Variants in ITPR1 observed in about 807,000 individuals in gnomAD.
ITPR1 encodes the protein inositol 1,4,5-trisphosphate receptor type 1.
ITPR1 carries 96 observed loss-of-function variants against 318.4 expected under a neutral mutation model. The observed-to-expected ratio is 0.30, with a 90% confidence interval of 0.26 to 0.36. The LOEUF is 0.36. Ranked by LOEUF, ITPR1 falls within the 10% of genes least tolerant of loss-of-function variation. The pLI, the probability that ITPR1 is intolerant of heterozygous loss-of-function variation, is 1.00. For synonymous variants in ITPR1, 1,312 were observed against 1,289.9 expected, an observed-to-expected ratio of 1.02 and a Z score of -0.37; for missense variants, 2,440 against 3,460.2, an observed-to-expected ratio of 0.71 and a Z score of 7.40.
At chr3:4,600,787 C>T (rs958405930) in intron 4 of ITPR1, among the ~76,000 whole-genome samples, 3 of 152,052 alleles carry the variant, frequency 2.0e-5, no homozygotes, top group Non-Finnish European at 4.4e-5. Context: ...ATTCACTCCC[C>T]ACCCCCAACA....
At chr3:4,571,521 ATGT>A (rs2087989881) in intron 4 of ITPR1, among the ~76,000 whole-genome samples, 2 of 151,972 alleles carry the variant, frequency 1.3e-5, no homozygotes, top group South Asian at 4.2e-4. Flanking sequence ...TTAAAATTTT[ATGT>A]AGAACTGCTA....
chr3:4,809,204 A>C (rs1041737125), intron 55 of ITPR1, among the ~76,000 whole-genome samples: 1 of 152,202 alleles, frequency 6.6e-6, no homozygotes, highest in African/African-American at 2.4e-5. Context: ...GCAGCAGGCA[A>C]AATGTTTCTC....
At chr3:4,637,876 T>A (rs779098716) in intron 5 of ITPR1, among the ~76,000 whole-genome samples, 1 of 152,230 alleles carries the variant, frequency 6.6e-6, no homozygotes, top group Non-Finnish European at 1.5e-5. Context: ...GGTCACCTTT[T>A]GAAATGTTAA....
At chr3:4,830,622 G>C (rs142307196) in intron 60 of ITPR1, among the ~76,000 whole-genome samples, 1 of 152,090 alleles carries the variant, frequency 6.6e-6, no homozygotes, top group Non-Finnish European at 1.5e-5. Context: ...GGCCTACCCC[G>C]TACCCCCTTC....
intron 44 of ITPR1, among the ~76,000 whole-genome samples, chr3:4,736,718 A>G (rs1275562915): frequency 1.3e-5 from 2 of 152,134 alleles, no homozygotes; most frequent in African/African-American, 4.8e-5. Flanking sequence ...CTTCTCATCA[A>G]TGGAATGTTG....
At chr3:4,722,384 G>T (rs2042226329) in intron 40 of ITPR1, among the ~76,000 whole-genome samples, 1 of 152,134 alleles carries the variant, frequency 6.6e-6, no homozygotes, top group Non-Finnish European at 1.5e-5. Context: ...GACTAAGCAG[G>T]AATACAGAAC....
chr3:4,612,352 G>A (rs917846722), intron 4 of ITPR1, among the ~76,000 whole-genome samples: 5 of 151,964 alleles, frequency 3.3e-5, no homozygotes, highest in African/African-American at 9.6e-5. Flanking sequence ...GTGAGCTGCC[G>A]CACCTGGCCA....
Position 4,769,370 on chromosome 3 carries a change from C to T in ITPR1, c.5979+606C>T, listed in dbSNP as rs569747615. Reference sequence around the variant, plus strand: ...CCTATTGATGTGTGTGTCTTGTAGCCTGTCACTGTTAGACATCTAGGCACT... The same window carrying T: ...CCTATTGATGTGTGTGTCTTGTAGCTTGTCACTGTTAGACATCTAGGCACT... On this transcript the variant is annotated intron_variant, in intron 46 of 61. Transcript: ENST00000649015. 4.4e-4 allele frequency among the ~76,000 whole-genome samples: 67 copies of T among 152,260 alleles called. 2 individuals carry two copies. The South Asian group carries it at 0.013, about 30-fold the overall frequency.
rs773251870 is a variant in ITPR1, at chr3:4,684,296, C to G, written c.3514C>G (p.Pro1172Ala). ...HKKTEEGNNK[P>A]QKHESTSSYN... ...TGGTTTCTAGGAGGGAAATAACAAG[C>G]CACAAAAGCATGAAAGCACCAGCAG... is the stretch of plus-strand genomic sequence containing the variant. Residue 1172 changes from proline (P) to alanine (A), a missense_variant, in exon 29 of 62, where the codon CCA becomes GCA. Coordinates refer to ENST00000649015, the MANE Select transcript of ITPR1 (RefSeq NM_001378452.1). 31 of 1,611,860 alleles carry G rather than the reference C, an allele frequency of 1.9e-5. No homozygotes were observed. The African/African-American group carries it at 4.1e-4, about 22-fold the overall frequency.
intron 4 of ITPR1, among the ~76,000 whole-genome samples, chr3:4,544,849 G>A (rs997120845): frequency 2.0e-4 from 31 of 152,234 alleles, no homozygotes; most frequent in Non-Finnish European, 3.4e-4. Flanking sequence ...ACTGGAGTGC[G>A]TGTGGTGGTG....
At chr3:4,639,255 G>T in intron 5 of ITPR1, 129 bp from the exon 6 acceptor site, 1 of 698,436 alleles carries the variant, frequency 1.4e-6, no homozygotes, top group South Asian at 1.8e-5. Context: ...GAAGCCTCAG[G>T]GTGTGTCCTC....
At chr3:4,745,182 A>T (rs1217954956) in intron 44 of ITPR1, among the ~76,000 whole-genome samples, 219 of 77,300 alleles carry the variant, frequency 2.8e-3, no homozygotes, top group Admixed American at 4.2e-3. Context: ...CTTTTCCTTC[A>T]TTTTTTTCTT....
rs759249800 is a variant in ITPR1, at chr3:4,711,818, C to G, written c.5053C>G (p.Leu1685Val). 1.9e-6 allele frequency: 3 copies of G among 1,551,870 alleles called. No homozygotes were observed. The highest frequency in any genetic ancestry group is 2.0e-5 in the Admixed American group (1 of 51,120). ...TGAAGAGAAGCTCTGCATTAAGGTC[C>G]TACAGACCCTGAGGGAAATGATGAC... ...ENEEKLCIKV[L>V]QTLREMMTKD... is the part of the protein sequence containing the mutation. Residue 1685 changes from leucine to valine, a missense_variant, in exon 39 of 62, where the codon CTA becomes GTA. Around this residue, in one of 23 missense-constraint regions of ITPR1, gnomAD observed 166 missense variants for 246.5 expected, o/e 0.67. Coordinates refer to ENST00000649015, the MANE Select transcript of ITPR1 (RefSeq NM_001378452.1).
chr3:4,558,199 C>G (rs984580097), intron 4 of ITPR1, among the ~76,000 whole-genome samples: 4 of 152,154 alleles, frequency 2.6e-5, no homozygotes, highest in Admixed American at 2.0e-4. Context: ...GGACATACAG[C>G]TACCCAATAG....
intron 4 of ITPR1, among the ~76,000 whole-genome samples, chr3:4,574,814 A>T (rs148299044): frequency 6.6e-6 from 1 of 152,336 alleles, no homozygotes; most frequent in African/African-American, 2.4e-5. Flanking sequence ...CATGGCCTGG[A>T]GAAGTCTATT....
In ITPR1 at chr3:4,607,685, G is replaced by A. The variant is rs544084985; in HGVS notation, c.164-20078G>A. Among the ~76,000 whole-genome samples, 3 of 152,162 alleles carry A rather than the reference G, an allele frequency of 2.0e-5. No individual in the cohort carries two copies. The East Asian group carries it at 5.8e-4, about 29-fold the overall frequency. ...AATGGGTGCTTGCTGCTGATTTGTGGGGGTGCAGTCATACGGGTGTGGGTA... is the reference window on the plus strand; with the variant it reads ...AATGGGTGCTTGCTGCTGATTTGTGAGGGTGCAGTCATACGGGTGTGGGTA... On this transcript the variant is annotated intron_variant, in intron 4 of 61. Transcript: ENST00000649015.
intron 56 of ITPR1, 123 bp downstream of exon 56, chr3:4,811,583 G>C (rs1453783478): frequency 1.4e-6 from 1 of 715,722 alleles, no homozygotes; most frequent in Non-Finnish European, 2.3e-6. Flanking sequence ...CTAACACGCA[G>C]AGTGTGAATT....
chr3:4,686,824 G>T (rs1430850430), intron 30 of ITPR1, among the ~76,000 whole-genome samples: 1 of 152,224 alleles, frequency 6.6e-6, no homozygotes, highest in East Asian at 1.9e-4. Context: ...TATACGGAAG[G>T]ACTGGAGGTG....
At chr3:4,726,176 T>A (rs1434511288) in intron 41 of ITPR1, among the ~76,000 whole-genome samples, 1 of 152,082 alleles carries the variant, frequency 6.6e-6, no homozygotes, top group African/African-American at 2.4e-5. Context: ...ATTACAGGCA[T>A]GTGCAACAAC....
Sources: allele counts gnomAD v4.1 joint callset (sites outside exome capture counted in the v4.1 genomes callset), GRCh38; gene constraint gnomAD v4.1.1; regional missense constraint gnomAD v4.1.1; transcripts MANE v1.5; gene names NCBI Gene and HGNC (gene_info 2026-07-23, HGNC 2026-07-21).